The following PRR5L variants were observed in gnomAD, a reference collection of about 807,000 sequenced individuals.
PRR5L encodes proline rich 5 like.
Under a neutral mutation model 36.4 loss-of-function variants are expected in PRR5L, and 21 were observed. The observed-to-expected ratio is 0.58, with a 90% CI of 0.41 to 0.83. The LOEUF (loss-of-function observed/expected upper bound fraction) is 0.83, where lower values mean the gene tolerates loss of function less well. Ranked by LOEUF, PRR5L falls within the 40% of genes least tolerant of loss-of-function variation. The pLI, the probability that PRR5L is intolerant of heterozygous loss-of-function variation, is 0.00. For synonymous variants in PRR5L, 188 were observed against 197.0 expected (o/e 0.95, Z 0.38); for missense variants, 381 against 473.3 (o/e 0.80, Z 1.81).
At chr11:36,350,980 T>A (rs111079935) in intron 1 of PRR5L, among the ~76,000 whole-genome samples, 23,536 of 43,012 alleles carry the variant, frequency 0.55, 7,401 homozygotes, top group East Asian at 0.82. Context: ...TTATATATAT[T>A]TATATATTTA....
intron 3 of PRR5L, among the ~76,000 whole-genome samples, chr11:36,414,773 T>G (rs1395015486): frequency 6.7e-6 from 1 of 148,208 alleles, no homozygotes; most frequent in Non-Finnish European, 1.5e-5. Flanking sequence ...TGTTCAGACA[T>G]GAAGTCCTTG....
chr11:36,365,052 G>T (rs578192932), intron 1 of PRR5L, among the ~76,000 whole-genome samples: 1 of 152,218 alleles, frequency 6.6e-6, no homozygotes, highest in Non-Finnish European at 1.5e-5. Flanking sequence ...TGGGGGCTTA[G>T]TCTGGGCCTG....
chr11:36,465,033 T>G lies in PRR5L; in HGVS notation c.*2297T>G, dbSNP rs1859268012. 6.6e-6 allele frequency: 1 copy of G among 152,212 alleles called. No homozygotes were observed. Among genetic ancestry groups the G allele is most frequent in the South Asian group, 2.1e-4 (1 of 4,828 alleles). 9.4% of individuals were successfully genotyped at this position (152,212 alleles called of 1,614,324 possible). Reference sequence around the variant, plus strand: ...AGCTATTGGAGTGAGAGCTGAGGTGTCCTTAACCACTTTTTCTCTCCTAGA... The same window carrying G: ...AGCTATTGGAGTGAGAGCTGAGGTGGCCTTAACCACTTTTTCTCTCCTAGA... On this transcript the variant is annotated 3_prime_UTR_variant, in exon 9 of 9. Transcript: ENST00000530639.
intron 3 of PRR5L, among the ~76,000 whole-genome samples, chr11:36,418,890 T>C (rs1049967116): frequency 3.3e-5 from 5 of 152,216 alleles, no homozygotes; most frequent in Non-Finnish European, 7.3e-5. Context: ...TGTTTTAAAC[T>C]ATAAAGTGCT....
intron 1 of PRR5L, among the ~76,000 whole-genome samples, chr11:36,351,873 C>A (rs992418307): frequency 6.8e-6 from 1 of 147,346 alleles, no homozygotes; most frequent in East Asian, 2.0e-4. Flanking sequence ...GCGAATTGTG[C>A]GGCTATAAAC....
chr11:36,337,356 AG>A (rs1253907146), intron 1 of PRR5L, among the ~76,000 whole-genome samples: 1 of 152,154 alleles, frequency 6.6e-6, no homozygotes, highest in Non-Finnish European at 1.5e-5. Context: ...ACTCAGCAAA[AG>A]GTGCCATCTA....
chr11:36,451,085 A>T (rs1008220525), intron 7 of PRR5L, 124 bp from the exon 8 acceptor site: 1 of 1,191,004 alleles, frequency 8.4e-7, no homozygotes, highest in African/African-American at 1.5e-5. Flanking sequence ...AACTGCAAGG[A>T]TGCTGCCTGC....
intron 6 of PRR5L, among the ~76,000 whole-genome samples, chr11:36,440,337 C>G: frequency 6.6e-6 from 1 of 152,134 alleles, no homozygotes; most frequent in East Asian, 1.9e-4. Flanking sequence ...CCCGGTTAAA[C>G]TCACCTTTAA....
At chr11:36,399,282 C>T (rs1261959573) in intron 1 of PRR5L, among the ~76,000 whole-genome samples, 1 of 152,204 alleles carries the variant, frequency 6.6e-6, no homozygotes, top group African/African-American at 2.4e-5. Context: ...GAAAACAGGA[C>T]ATAAGTCTGC....
At chr11:36,306,828 A>G (rs1228143879) in intron 1 of PRR5L, among the ~76,000 whole-genome samples, 2 of 152,154 alleles carry the variant, frequency 1.3e-5, no homozygotes, top group East Asian at 1.9e-4. Flanking sequence ...TCAGGTGTCA[A>G]CTTCCTCTTC....
At chr11:36,343,696 C>A (rs757003288) in intron 1 of PRR5L, among the ~76,000 whole-genome samples, 7 of 152,082 alleles carry the variant, frequency 4.6e-5, no homozygotes, top group African/African-American at 7.2e-5. Flanking sequence ...CCATCACTTA[C>A]CAAAAAGAAA....
Position 36,377,967 on chromosome 11 carries a change from C to G in PRR5L, c.-125-23030C>G, listed in dbSNP as rs1227560853. On this transcript the variant is annotated intron_variant, in intron 1 of 8. Transcript: ENST00000530639. The surrounding 1 kb of genome is among the most constrained non-coding windows in gnomAD (Gnocchi z 5.1). The stretch of plus-strand genomic sequence containing the variant: ...CATGCTAAGGACCAAAGGGATGCCA[C>G]CGGCCCAATGTACTGCCTTCATCCC... 6.6e-6 allele frequency among the ~76,000 whole-genome samples: 1 copy of G among 152,186 alleles called. No homozygotes were observed. Among genetic ancestry groups the G allele is most frequent in the Non-Finnish European group, 1.5e-5 (1 of 68,034 alleles).
At chr11:36,317,382 T>C (rs1200377344) in intron 1 of PRR5L, among the ~76,000 whole-genome samples, 3 of 152,222 alleles carry the variant, frequency 2.0e-5, no homozygotes, top group Non-Finnish European at 4.4e-5. Flanking sequence ...TCTAGTAGAA[T>C]TGTGAGGATC....
intron 1 of PRR5L, among the ~76,000 whole-genome samples, chr11:36,351,563 T>A (rs1312115222): frequency 0.046 from 877 of 19,006 alleles, 260 homozygotes; most frequent in African/African-American, 0.17. Flanking sequence ...ATTTATATAT[T>A]TATATATTTA....
intron 1 of PRR5L, among the ~76,000 whole-genome samples, chr11:36,297,851 C>T (rs887283633): frequency 6.6e-6 from 1 of 152,172 alleles, no homozygotes; most frequent in Non-Finnish European, 1.5e-5. Context: ...AAGCTTCCAT[C>T]CTTCTCTCCT....
Position 36,343,709 on chromosome 11 carries a change from A to G in PRR5L, c.-126+47271A>G, listed in dbSNP as rs528201646. ...TTCCATCACTTACCAAAAAGAAACT[A>G]AGTATACGTACATAAGGTATGTGAT... On this transcript the variant is annotated intron_variant, in intron 1 of 8. Coordinates refer to ENST00000530639, the MANE Select transcript of PRR5L (RefSeq NM_001160167.2). Among the ~76,000 whole-genome samples, 13 of 152,320 alleles carry G rather than the reference A, an allele frequency of 8.5e-5. No individual in the cohort carries two copies. The East Asian group carries it at 2.5e-3, about 29-fold the overall frequency.
chr11:36,394,812 A>T (rs1316282844), intron 1 of PRR5L, among the ~76,000 whole-genome samples: 1 of 152,090 alleles, frequency 6.6e-6, no homozygotes, highest in Non-Finnish European at 1.5e-5. Context: ...TTGCCATATA[A>T]GATAATATTC....
At chr11:36,301,384 A>G (rs1332651941) in intron 1 of PRR5L, among the ~76,000 whole-genome samples, 4 of 151,940 alleles carry the variant, frequency 2.6e-5, no homozygotes, top group Non-Finnish European at 4.4e-5. Context: ...GCTCAGGGAG[A>G]GGGGTGAGGG....
chr11:36,309,456 T>C (rs564873021), intron 1 of PRR5L, among the ~76,000 whole-genome samples: 1 of 152,370 alleles, frequency 6.6e-6, no homozygotes, highest in East Asian at 1.9e-4. Flanking sequence ...AAGTTAATGG[T>C]AGTTTTAAGA....
Sources: gnomAD v4.1 joint callset for allele counts (sites outside exome capture counted in the v4.1 genomes callset) on GRCh38, gnomAD v4.1.1 for gene constraint, Gnocchi (gnomAD v3.1) non-coding constraint, MANE v1.5 for transcripts, NCBI Gene and HGNC (gene_info 2026-07-23, HGNC 2026-07-21) for gene names.